The following CDC73 variants were observed in gnomAD, a reference collection of about 807,000 sequenced individuals.
CDC73 encodes the protein cell division cycle 73.
Under a neutral mutation model 83.7 loss-of-function variants are expected in CDC73, and 21 were observed. The ratio of observed to expected loss-of-function variants is 0.25; its 90% CI spans 0.18 to 0.36. The LOEUF is 0.36. Among genes scored for constraint, CDC73 ranks in the 10% least tolerant of loss-of-function variants. The pLI, the probability that CDC73 is intolerant of heterozygous loss-of-function variation, is 1.00. For missense variants in CDC73, 342 were observed against 653.3 expected, an observed-to-expected ratio of 0.52 and a Z score of 5.19; for synonymous variants, 224 against 212.9, an observed-to-expected ratio of 1.05 and a Z score of -0.45.
chr1:193,147,373 C>A (rs1374171245), intron 7 of CDC73, among the ~76,000 whole-genome samples: 1 of 137,396 alleles, frequency 7.3e-6, no homozygotes, highest in African/African-American at 2.7e-5. Flanking sequence ...TTTTTTTTTT[C>A]TTTTTTTTTT....
rs1197459151 is a variant in CDC73, at chr1:193,252,709, A to G, written c.*1997A>G. On this transcript the variant is annotated 3_prime_UTR_variant, in exon 17 of 17. Transcript: ENST00000367435. Reference sequence around the variant, plus strand: ...ACAATTTAGTCTCTTATTTAGGTCCATGTAATTAATTTCATTCCATTATTT... The same window carrying G: ...ACAATTTAGTCTCTTATTTAGGTCCGTGTAATTAATTTCATTCCATTATTT... The G allele has an allele frequency of 8.6e-6, 2 of 231,390 alleles. No individual in the cohort carries two copies. Among genetic ancestry groups the G allele is most frequent in the Non-Finnish European group, 1.7e-5 (2 of 116,932 alleles). 14.3% of individuals were successfully genotyped at this position (231,390 alleles called of 1,614,324 possible). A position where few individuals can be genotyped will look rare whatever the true frequency, so the allele number is the denominator to read the frequency against.
rs1022649815 is a variant in CDC73 at position 193,253,268 on chromosome 1, A to T, written c.*2556A>T. On this transcript the variant is annotated 3_prime_UTR_variant, in exon 17 of 17. Coordinates refer to ENST00000367435, the MANE Select transcript of CDC73 (RefSeq NM_024529.5). ...TTTGAGACAAGACCTGGTCATCAGT[A>T]TTTTTTTTAAAGTTCTCCAGGTAAT... 1 of 232,134 alleles carries T rather than the reference A, an allele frequency of 4.3e-6. No individual in the cohort carries two copies. Among genetic ancestry groups the T allele is most frequent in the Non-Finnish European group, 8.5e-6 (1 of 117,484 alleles). 14.4% of individuals were successfully genotyped at this position (232,134 alleles called of 1,614,324 possible). A position where few individuals can be genotyped will look rare whatever the true frequency, so the allele number is the denominator to read the frequency against.
chr1:193,143,983 G>T (rs918336567), intron 7 of CDC73, among the ~76,000 whole-genome samples: 1 of 151,770 alleles, frequency 6.6e-6, no homozygotes, highest in African/African-American at 2.4e-5. Context: ...GGTGGCATGC[G>T]CTTGTAATCA....
chr1:193,227,700 A>G (rs1247981144), intron 13 of CDC73, among the ~76,000 whole-genome samples: 3 of 152,218 alleles, frequency 2.0e-5, no homozygotes, highest in Non-Finnish European at 4.4e-5. Flanking sequence ...TTAAAGTTCT[A>G]TAGGCTAGGA....
intron 2 of CDC73, 152 bp from the exon 3 acceptor site, chr1:193,130,022 G>A (rs1675666979): frequency 1.7e-6 from 1 of 599,356 alleles, no homozygotes. Context: ...TTTTTATTAG[G>A]TTCTTTTAGC....
rs2102074812 is a variant in CDC73, at chr1:193,250,964, G to A, written c.*252G>A. 1 of 485,660 alleles carries A rather than the reference G, an allele frequency of 2.1e-6. No individual in the cohort carries two copies. The highest frequency in any genetic ancestry group is 3.2e-5 in the East Asian group (1 of 31,316). The allele number at this position is 485,660 out of a possible 1,614,324, so 30.1% of individuals were successfully genotyped here. A position where few individuals can be genotyped will look rare whatever the true frequency, so the allele number is the denominator to read the frequency against. ...AGTTTTTTCTCCATTGGTTAAATTA[G>A]CATTACTTAAAATTTGTTTCTTTAG... On this transcript the variant is annotated 3_prime_UTR_variant, in exon 17 of 17. Transcript: ENST00000367435.
At position 193,216,311 on chromosome 1, in the gene CDC73, C is replaced by G. The variant is rs535782066; in HGVS notation, c.1154+3834C>G. On this transcript the variant is annotated intron_variant, in intron 13 of 16. Transcript: ENST00000367435. ...AGAAAACCCTCAGAGACTATGAACACCCCTGTGCACACAAACTAGAATACC... is the reference window on the plus strand; with the variant it reads ...AGAAAACCCTCAGAGACTATGAACAGCCCTGTGCACACAAACTAGAATACC... Among the ~76,000 whole-genome samples, 4 of 152,286 alleles carry G rather than the reference C, an allele frequency of 2.6e-5. No homozygotes were observed. The South Asian group carries it at 8.3e-4, about 32-fold the overall frequency.
Position 193,171,858 on chromosome 1 carries a change from A to G in CDC73, c.972+19414A>G, listed in dbSNP as rs77352882. Among the ~76,000 whole-genome samples, 829 of 152,324 alleles carry G rather than the reference A, an allele frequency of 5.4e-3. 12 individuals carry two copies. The highest frequency in any genetic ancestry group is 0.019 in the African/African-American group (794 of 41,552). ...ATCAATATTTTTTAATAAATGAAAA[A>G]AAGATGTATTTGTTAGTGTTGGAAG... On this transcript the variant is annotated intron_variant, in intron 10 of 16. Transcript: ENST00000367435.
At chr1:193,164,998 T>A (rs56067713) in intron 10 of CDC73, among the ~76,000 whole-genome samples, 3,298 of 152,274 alleles carry the variant, frequency 0.022, 117 homozygotes, top group African/African-American at 0.076. Flanking sequence ...TAGTCACATT[T>A]AGCTTTGTTG....
chr1:193,168,566 C>T (rs911212110), intron 10 of CDC73, among the ~76,000 whole-genome samples: 2 of 151,564 alleles, frequency 1.3e-5, no homozygotes, highest in Admixed American at 1.3e-4. Flanking sequence ...CTCTCTGTCA[C>T]CCAGATGGAA....
chr1:193,191,754 T>C (rs1348986386), intron 10 of CDC73, among the ~76,000 whole-genome samples: 2 of 152,116 alleles, frequency 1.3e-5, no homozygotes, highest in African/African-American at 4.8e-5. Context: ...TATATGTAGA[T>C]TGGTTGTATT....
intron 13 of CDC73, among the ~76,000 whole-genome samples, chr1:193,226,971 T>A (rs1331099252): frequency 6.6e-6 from 1 of 152,188 alleles, no homozygotes; most frequent in Non-Finnish European, 1.5e-5. Context: ...TGGTAATTTT[T>A]AAATTACCAT....
At chr1:193,140,383 C>T (rs1002440608) in intron 6 of CDC73, among the ~76,000 whole-genome samples, 30 of 152,104 alleles carry the variant, frequency 2.0e-4, no homozygotes, top group African/African-American at 7.2e-4. Flanking sequence ...TGGAGAAGTA[C>T]GGTAGTCCCC....
chr1:193,141,293 A>T (rs1298434829), intron 6 of CDC73, among the ~76,000 whole-genome samples: 1 of 152,168 alleles, frequency 6.6e-6, no homozygotes, highest in African/African-American at 2.4e-5. Context: ...CTATTTGAAA[A>T]TCAAGAAAAG....
intron 10 of CDC73, among the ~76,000 whole-genome samples, chr1:193,169,842 T>C (rs1676490850): frequency 6.6e-6 from 1 of 152,152 alleles, no homozygotes; most frequent in South Asian, 2.1e-4. Context: ...TGTGCAGGTT[T>C]GTTACACATG....
intron 6 of CDC73, among the ~76,000 whole-genome samples, chr1:193,139,392 G>A (rs973096015): frequency 3.3e-5 from 5 of 151,506 alleles, no homozygotes; most frequent in African/African-American, 1.2e-4. Flanking sequence ...TCAGCCTCCC[G>A]AGTAGCTGGG....
At position 193,122,275 on chromosome 1, in the gene CDC73, G is replaced by C; in HGVS notation, c.75G>C (p.Val25=). Residue 25 remains valine (V), a synonymous_variant, in exon 1 of 17, where the codon GTG becomes GTC. Coordinates refer to ENST00000367435, the MANE Select transcript of CDC73 (RefSeq NM_024529.5). ...KKEIVVKGDE[V]IFGEFSWPKN... ...AGATTGTGGTGAAGGGAGACGAAGTGATCTTCGGGGAGTTCTCCTGGCCCA... is the reference window on the plus strand; with the variant it reads ...AGATTGTGGTGAAGGGAGACGAAGTCATCTTCGGGGAGTTCTCCTGGCCCA... 1 of 1,614,094 alleles carries C rather than the reference G, an allele frequency of 6.2e-7. No individual in the cohort carries two copies. Among genetic ancestry groups the C allele is most frequent in the South Asian group, 1.1e-5 (1 of 91,084 alleles).
chr1:193,201,287 CAT>C (rs1451775621), intron 10 of CDC73, among the ~76,000 whole-genome samples: 3 of 152,070 alleles, frequency 2.0e-5, no homozygotes, highest in East Asian at 1.9e-4. Flanking sequence ...AGATTTGACT[CAT>C]GTAATCAAGA....
intron 7 of CDC73, among the ~76,000 whole-genome samples, chr1:193,144,744 G>A (rs1376253469): frequency 6.6e-6 from 1 of 151,698 alleles, no homozygotes; most frequent in East Asian, 1.9e-4. Context: ...TTGTGCCGTT[G>A]TGTGAAGTAT....
Sources: gnomAD v4.1 joint callset for allele counts (sites outside exome capture counted in the v4.1 genomes callset) on GRCh38, gnomAD v4.1.1 for gene constraint, MANE v1.5 for transcripts, NCBI Gene and HGNC (gene_info 2026-07-23, HGNC 2026-07-21) for gene names.